The following PTPRG variants were observed in gnomAD, a reference collection of about 807,000 sequenced individuals.
The protein encoded by PTPRG is receptor-type tyrosine-protein phosphatase gamma.
A neutral mutation model predicts 165.3 loss-of-function variants in PTPRG; 102 were observed. The ratio of observed to expected loss-of-function variants is 0.62; its 90% CI spans 0.53 to 0.73. The LOEUF is 0.73. Among genes scored for constraint, PTPRG ranks in the 30% least tolerant of loss-of-function variants. The pLI is 0.00. For missense variants in PTPRG, 1,866 were observed against 1,861.4 expected, an observed-to-expected ratio of 1.00 and a Z score of -0.05; for synonymous variants, 675 against 669.5, an observed-to-expected ratio of 1.01 and a Z score of -0.13.
chr3:62,191,992 A>G (rs1699837838), intron 9 of PTPRG, among the ~76,000 whole-genome samples: 2 of 152,228 alleles, frequency 1.3e-5, no homozygotes, highest in South Asian at 2.1e-4. Flanking sequence ...CATAAATACT[A>G]AATGAGCTAT....
At chr3:61,788,582 C>A (rs1053035394) in intron 2 of PTPRG, among the ~76,000 whole-genome samples, 1 of 152,168 alleles carries the variant, frequency 6.6e-6, no homozygotes, top group Non-Finnish European at 1.5e-5. Context: ...ATTCAGCAAC[C>A]AGTTTGAGAT....
At chr3:61,976,451 T>C (rs932057879) in intron 2 of PTPRG, among the ~76,000 whole-genome samples, 2 of 152,186 alleles carry the variant, frequency 1.3e-5, no homozygotes, top group African/African-American at 4.8e-5. Context: ...TGCAGTGTAA[T>C]GGAAGAGTTG....
At chr3:62,148,100 C>G (rs1033179089) in intron 6 of PTPRG, among the ~76,000 whole-genome samples, 1 of 152,076 alleles carries the variant, frequency 6.6e-6, no homozygotes, top group African/African-American at 2.4e-5. Flanking sequence ...GAGCCGAGAT[C>G]GTGCCACTGC....
intron 5 of PTPRG, among the ~76,000 whole-genome samples, chr3:62,093,135 G>C (rs960939802): frequency 6.6e-6 from 1 of 152,268 alleles, no homozygotes; most frequent in African/African-American, 2.4e-5. Context: ...AGCTGCTTGC[G>C]TGATTCTAAA....
At chr3:62,171,917 T>G (rs1705232090) in intron 8 of PTPRG, among the ~76,000 whole-genome samples, 1 of 152,158 alleles carries the variant, frequency 6.6e-6, no homozygotes, top group Admixed American at 6.5e-5. Flanking sequence ...TGTATGTCCC[T>G]CCCTCCCTTC....
rs536654300 is a variant in PTPRG at position 61,991,776 on chromosome 3, C to T, written c.370+1972C>T. Reference sequence around the variant, plus strand: ...AAGACAATCACTGGGCTCTCTGATACGGTTTTCTACTTGACTTGCAACGCT... The same window carrying T: ...AAGACAATCACTGGGCTCTCTGATATGGTTTTCTACTTGACTTGCAACGCT... On this transcript the variant is annotated intron_variant, in intron 3 of 29. Coordinates refer to ENST00000474889, the MANE Select transcript of PTPRG (RefSeq NM_002841.4). Among the ~76,000 whole-genome samples, 25 of 152,304 alleles carry T rather than the reference C, an allele frequency of 1.6e-4. No individual in the cohort carries two copies. The South Asian group carries it at 4.6e-3, about 28-fold the overall frequency.
At chr3:61,975,313 G>C (rs2040478350) in intron 2 of PTPRG, among the ~76,000 whole-genome samples, 1 of 152,182 alleles carries the variant, frequency 6.6e-6, no homozygotes, top group Non-Finnish European at 1.5e-5. Context: ...CAGTGAATTT[G>C]AGAATTATGT....
intron 2 of PTPRG, among the ~76,000 whole-genome samples, chr3:61,957,412 C>T (rs1575822705): frequency 6.6e-6 from 1 of 152,346 alleles, no homozygotes; most frequent in Middle Eastern, 3.4e-3. Context: ...GCCATCTGCT[C>T]CACTTCTTTG....
intron 1 of PTPRG, 111 bp downstream of exon 1, chr3:61,562,483 T>G: frequency 1.0e-6 from 1 of 1,003,112 alleles, no homozygotes; most frequent in African/African-American, 1.6e-5. Context: ...CTGGAGAGGG[T>G]GGAGGGTGGC....
intron 2 of PTPRG, among the ~76,000 whole-genome samples, chr3:61,820,533 A>T (rs1377838739): frequency 6.6e-6 from 1 of 151,558 alleles, no homozygotes; most frequent in Admixed American, 6.6e-5. Context: ...GGCCCAGTCA[A>T]GTTGACACAC....
intron 4 of PTPRG, among the ~76,000 whole-genome samples, chr3:62,072,418 C>T (rs1457145077): frequency 2.0e-5 from 3 of 152,126 alleles, no homozygotes; most frequent in African/African-American, 7.2e-5. Flanking sequence ...GCTAGAAAAA[C>T]ACCTGGAGGG....
intron 2 of PTPRG, among the ~76,000 whole-genome samples, chr3:61,958,424 C>T (rs1408631794): frequency 6.6e-6 from 1 of 152,182 alleles, no homozygotes; most frequent in Non-Finnish European, 1.5e-5. Context: ...CCTGAGCCAC[C>T]ATGGCTGGCT....
chr3:61,615,912 T>C (rs1701284226), intron 1 of PTPRG, among the ~76,000 whole-genome samples: 1 of 152,186 alleles, frequency 6.6e-6, no homozygotes, highest in African/African-American at 2.4e-5. Flanking sequence ...GCCAAAGAGC[T>C]CTGATTTCTT....
At chr3:61,943,001 A>G (rs921622378) in intron 2 of PTPRG, among the ~76,000 whole-genome samples, 1 of 152,164 alleles carries the variant, frequency 6.6e-6, no homozygotes, top group Non-Finnish European at 1.5e-5. Context: ...CTGGGTGCAG[A>G]TCTCCTTGCC....
At chr3:61,680,073 C>T (rs1442417563) in intron 1 of PTPRG, among the ~76,000 whole-genome samples, 1 of 152,146 alleles carries the variant, frequency 6.6e-6, no homozygotes, top group Non-Finnish European at 1.5e-5. Flanking sequence ...ATGAGCAGAG[C>T]AAACCAGAGC....
chr3:61,715,965 A>G (rs1250405061), intron 1 of PTPRG, among the ~76,000 whole-genome samples: 2 of 151,864 alleles, frequency 1.3e-5, no homozygotes, highest in East Asian at 1.9e-4. Flanking sequence ...TGCTTTGTGT[A>G]GAGTACTCTC....
Position 62,273,220 on chromosome 3 carries a change from A to G in PTPRG, c.3318+139A>G. Reference sequence around the variant, plus strand: ...GGTTTGTATTAGAAGATATTCTGACAATGATCCTATTCTACGGATCACAGT... The same window carrying G: ...GGTTTGTATTAGAAGATATTCTGACGATGATCCTATTCTACGGATCACAGT... On this transcript the variant is annotated intron_variant, in intron 22 of 29. Coordinates refer to ENST00000474889, the MANE Select transcript of PTPRG (RefSeq NM_002841.4). The surrounding 1 kb of genome is among the most constrained non-coding windows in gnomAD (Gnocchi z 4.1). 1.0e-6 allele frequency: 1 copy of G among 993,150 alleles called. No individual in the cohort carries two copies. The highest frequency in any genetic ancestry group is 2.8e-5 in the East Asian group (1 of 35,982). The allele number at this position is 993,150 out of a possible 1,614,324, so 61.5% of individuals were successfully genotyped here. A position where few individuals can be genotyped will look rare whatever the true frequency, so the allele number is the denominator to read the frequency against.
intron 2 of PTPRG, among the ~76,000 whole-genome samples, chr3:61,966,116 A>G (rs909366784): frequency 6.6e-6 from 1 of 152,246 alleles, no homozygotes; most frequent in African/African-American, 2.4e-5. Context: ...TGTGACTTGC[A>G]TGTCAACAAG....
rs933422259 is a variant in PTPRG at position 61,684,307 on chromosome 3, C to T, written c.86-64571C>T. On this transcript the variant is annotated intron_variant, in intron 1 of 29. Transcript: ENST00000474889. The stretch of plus-strand genomic sequence containing the variant: ...CCAGCTCCCCTCCAGGCTGTGCTGT[C>T]GGGACACATCTGTGTGCCTGTATGT... 2.6e-5 allele frequency among the ~76,000 whole-genome samples: 4 copies of T among 152,132 alleles called. No individual in the cohort carries two copies. In the East Asian group the frequency reaches 7.7e-4, roughly 29 times the overall value.
Sources: allele counts gnomAD v4.1 joint callset (sites outside exome capture counted in the v4.1 genomes callset), GRCh38; gene constraint gnomAD v4.1.1; non-coding constraint Gnocchi (gnomAD v3.1); transcripts MANE v1.5; gene names NCBI Gene and HGNC (gene_info 2026-07-23, HGNC 2026-07-21).